The following POM121 variants were observed in gnomAD, a reference collection of about 807,000 sequenced individuals.
The protein encoded by POM121 is nuclear envelope pore membrane protein POM 121.
In POM121, 32 loss-of-function variants were observed where a neutral mutation model predicts 81.3. That is an observed-to-expected ratio of 0.39 (90% CI 0.30 to 0.53). POM121 has a LOEUF of 0.53. Ranked by LOEUF, POM121 falls within the 20% of genes least tolerant of loss-of-function variation. The pLI, the probability that POM121 is intolerant of heterozygous loss-of-function variation, is 0.66. For missense variants in POM121, 1,138 were observed against 1,614.6 expected, an observed-to-expected ratio of 0.70 and a Z score of 5.06; for synonymous variants, 514 against 694.2, an observed-to-expected ratio of 0.74 and a Z score of 4.08.
intron 3 of POM121, among the ~76,000 whole-genome samples, chr7:72,892,183 G>A (rs1490020879): frequency 2.0e-5 from 3 of 152,230 alleles, no homozygotes; most frequent in South Asian, 2.1e-4. Context: ...TTTGTATCCC[G>A]TAAAAGAGTT....
At chr7:72,940,024 G>T (rs1390800500) in intron 8 of POM121, 56 bp downstream of exon 8, 47 of 1,576,272 alleles carry the variant, frequency 3.0e-5, no homozygotes, top group Non-Finnish European at 4.0e-5. Context: ...CTAAGTATTA[G>T]GAACGCTAAG....
Position 72,928,467 on chromosome 7 carries a change from T to C in POM121, c.1103+2T>C. Reference sequence around the variant, plus strand: ...AGTCCCCGCTTCTTTTGTGCCTAAGTAAGTGGGAGTCCATCCGGATGAAAT... The same window carrying C: ...AGTCCCCGCTTCTTTTGTGCCTAAGCAAGTGGGAGTCCATCCGGATGAAAT... On this transcript the variant is annotated splice_donor_variant, in intron 4 of 12. Coordinates refer to ENST00000434423, the MANE Select transcript of POM121 (RefSeq NM_001387691.1). LOFTEE classifies it high-confidence loss of function. 1 of 1,613,218 alleles carries C rather than the reference T, an allele frequency of 6.2e-7. No individual in the cohort carries two copies. Among genetic ancestry groups the C allele is most frequent in the South Asian group, 1.1e-5 (1 of 91,074 alleles).
At chr7:72,948,391 G>A (rs576222002), downstream of POM121, 14 of 1,613,290 alleles carry the variant, frequency 8.7e-6, no homozygotes, top group South Asian at 3.3e-5. Flanking sequence ...CTTTCAAAAC[G>A]CAAACTGCTG....
At chr7:72,909,612 G>A (rs548589168) in intron 3 of POM121, among the ~76,000 whole-genome samples, 2 of 152,240 alleles carry the variant, frequency 1.3e-5, no homozygotes, top group East Asian at 3.9e-4. Flanking sequence ...AGCTCTTCTG[G>A]CCTCCCACAC....
exon 1 of POM121, chr7:72,879,636 G>T (rs1188396937): frequency 3.4e-5 from 12 of 356,404 alleles, no homozygotes; most frequent in African/African-American, 2.7e-4. Context: ...CCTGGGCCTG[G>T]CCCGTGTGTG....
chr7:72,928,253 C>A, intron 3 of POM121, 132 bp from the exon 4 acceptor site: 2 of 1,281,016 alleles, frequency 1.6e-6, no homozygotes, highest in South Asian at 1.5e-5. Context: ...GGATTTTAAA[C>A]AACCATTTTC....
chr7:72,899,726 G>C (rs571959046), intron 3 of POM121, among the ~76,000 whole-genome samples: 4 of 151,968 alleles, frequency 2.6e-5, no homozygotes, highest in Admixed American at 6.6e-5. Context: ...CTACAGGCAT[G>C]TGCCACCACG....
chr7:72,887,017 A>G (rs558968444), intron 1 of POM121, among the ~76,000 whole-genome samples: 22 of 151,892 alleles, frequency 1.4e-4, no homozygotes, highest in Non-Finnish European at 1.9e-4. Context: ...TGTTGCCTGT[A>G]TATTAGGCCA....
At chr7:72,917,945 G>A (rs1794445333) in intron 4 of POM121, among the ~76,000 whole-genome samples, 1 of 152,204 alleles carries the variant, frequency 6.6e-6, no homozygotes, top group African/African-American at 2.4e-5. Context: ...CTGGACAGGG[G>A]GCCCTTCCCT....
intron 3 of POM121, among the ~76,000 whole-genome samples, chr7:72,927,300 C>G (rs1294018808): frequency 3.9e-5 from 6 of 152,192 alleles, no homozygotes; most frequent in Non-Finnish European, 8.8e-5. Flanking sequence ...TTGTGGTGTT[C>G]AGTTACTTGG....
upstream of POM121, among the ~76,000 whole-genome samples, chr7:72,922,263 T>A (rs1794882306): frequency 6.6e-6 from 1 of 152,256 alleles, no homozygotes; most frequent in Non-Finnish European, 1.5e-5. Context: ...CTTTTTGTTA[T>A]TGATTCTTTG....
chr7:72,918,941 G>C (rs1436344526), intron 4 of POM121, among the ~76,000 whole-genome samples: 1 of 152,144 alleles, frequency 6.6e-6, no homozygotes, highest in Non-Finnish European at 1.5e-5. Flanking sequence ...GGGATGACAG[G>C]CACCCGCCAC....
rs1586198231 is a variant in POM121 at position 72,946,560 on chromosome 7, CCCCTTCCA to C, written c.*329_*336del. 1.9e-6 allele frequency: 2 copies of C among 1,071,356 alleles called. No individual in the cohort carries two copies. The highest frequency in any genetic ancestry group is 1.4e-4 in the East Asian group (2 of 14,754). 66.4% of individuals were successfully genotyped at this position (1,071,356 alleles called of 1,614,324 possible). On this transcript the variant is annotated 3_prime_UTR_variant, in exon 13 of 13. Coordinates refer to ENST00000434423, the MANE Select transcript of POM121 (RefSeq NM_001387691.1). ...CGCTTAGCACACCCTTAGGCAGGCGCCCCTTCCACCTTTCCCCGAGACCGTCGTCGCTG... is the reference window on the plus strand; with the variant it reads ...CGCTTAGCACACCCTTAGGCAGGCGCCCTTTCCCCGAGACCGTCGTCGCTG...
intron 1 of POM121, among the ~76,000 whole-genome samples, chr7:72,880,041 C>T (rs1336139443): frequency 2.0e-5 from 3 of 152,190 alleles, no homozygotes; most frequent in African/African-American, 4.8e-5. Context: ...ACCGAACAGG[C>T]GCTGCATGGG....
chr7:72,926,683 G>A, intron 2 of POM121, 119 bp from the exon 3 acceptor site: 10 of 1,499,374 alleles, frequency 6.7e-6, no homozygotes, highest in Non-Finnish European at 9.0e-6. Context: ...GAACTGCTGT[G>A]AGTGTATAAA....
chr7:72,924,197 C>T (rs1394451630), upstream of POM121, among the ~76,000 whole-genome samples: 4 of 151,998 alleles, frequency 2.6e-5, no homozygotes, highest in Non-Finnish European at 5.9e-5. Context: ...CCGCCCACCC[C>T]GGCCTCCCAA....
intron 3 of POM121, 84 bp from the exon 4 acceptor site, chr7:72,928,301 T>A (rs1795670841): frequency 1.3e-6 from 2 of 1,547,272 alleles, no homozygotes; most frequent in Non-Finnish European, 1.8e-6. Flanking sequence ...AGAGATAGTA[T>A]AAGGTCCCAG....
chr7:72,949,603 T>C (rs182895453), downstream of POM121: 2,732 of 677,390 alleles, frequency 4.0e-3, 98 homozygotes, highest in African/African-American at 0.045. Flanking sequence ...ACACACAATA[T>C]TGAAACAGCC....
intron 5 of POM121, among the ~76,000 whole-genome samples, chr7:72,933,679 G>C (rs1796240274): frequency 6.6e-6 from 1 of 152,190 alleles, no homozygotes; most frequent in South Asian, 2.1e-4. Context: ...CCACATAAGA[G>C]ATACATGCAC....
Sources: allele counts gnomAD v4.1 joint callset (sites outside exome capture counted in the v4.1 genomes callset), GRCh38; gene constraint gnomAD v4.1.1; transcripts MANE v1.5; gene names NCBI Gene and HGNC (gene_info 2026-07-23, HGNC 2026-07-21).